ANAPC5: variants seen among roughly 807,000 people sequenced by gnomAD.
ANAPC5 encodes the protein anaphase promoting complex subunit 5.
Under a neutral mutation model 91.3 loss-of-function variants are expected in ANAPC5, and 60 were observed. That is an observed-to-expected ratio of 0.66 (90% CI 0.53 to 0.81). The LOEUF (loss-of-function observed/expected upper bound fraction) is 0.81, where lower values mean the gene tolerates loss of function less well. ANAPC5 is among the 40% of genes least tolerant of loss of function. ANAPC5 has a pLI of 0.00. For synonymous variants in ANAPC5, 340 were observed against 364.1 expected (o/e 0.93, Z 0.75); for missense variants, 690 against 931.5 (o/e 0.74, Z 3.37).
At chr12:121,317,089 G>A (rs1037677905) in intron 15 of ANAPC5, among the ~76,000 whole-genome samples, 17 of 152,090 alleles carry the variant, frequency 1.1e-4, no homozygotes, top group African/African-American at 4.1e-4. Context: ...TGGGGGAAGG[G>A]AGGACTGGGG....
Position 121,335,661 on chromosome 12 carries a change from G to C in ANAPC5, c.822C>G (p.Leu274=). 1 of 1,613,928 alleles carries C rather than the reference G, an allele frequency of 6.2e-7. No homozygotes were observed. Among genetic ancestry groups the C allele is most frequent in the Non-Finnish European group, 8.5e-7 (1 of 1,179,816 alleles). ...VQDVFSSTHS[L]LHYFDRLILT... ...GAATCAGACGATCAAAATAATGGAGGAGACTGTGTGTTGAACTGAAAACAT... is the reference window on the plus strand; with the variant it reads ...GAATCAGACGATCAAAATAATGGAGCAGACTGTGTGTTGAACTGAAAACAT... The change falls in exon 7 of 17, where the codon CTC becomes CTG. Residue 274 remains leucine (L), a synonymous_variant. Coordinates refer to ENST00000261819, the MANE Select transcript of ANAPC5 (RefSeq NM_016237.5).
intron 9 of ANAPC5, chr12:121,328,704 C>T: frequency 2.0e-6 from 1 of 491,078 alleles, no homozygotes; most frequent in Non-Finnish European, 3.7e-6. Context: ...GCAGAGGGTA[C>T]ACGGGAAAGA....
intron 5 of ANAPC5, 150 bp from the exon 6 acceptor site, chr12:121,337,542 C>G: frequency 3.5e-6 from 2 of 576,744 alleles, no homozygotes; most frequent in South Asian, 4.0e-5. Context: ...CTGGCCTTCC[C>G]TCACTCTAGG....
intron 4 of ANAPC5, among the ~76,000 whole-genome samples, chr12:121,344,428 A>G (rs1472996845): frequency 1.3e-5 from 2 of 152,040 alleles, no homozygotes; most frequent in African/African-American, 4.8e-5. Context: ...AAAATACAAA[A>G]ATATTAGCGG....
At chr12:121,339,868 GTTTTTTTTTTT>G (rs71079054) in intron 5 of ANAPC5, among the ~76,000 whole-genome samples, 2 of 104,542 alleles carry the variant, frequency 1.9e-5, no homozygotes, top group African/African-American at 7.3e-5. Flanking sequence ...TTTTCTTCCA[GTTTTTTTTTTT>G]TTTTTTTTTT....
intron 15 of ANAPC5, among the ~76,000 whole-genome samples, chr12:121,316,876 T>G (rs1644415169): frequency 6.6e-6 from 1 of 151,736 alleles, no homozygotes. Context: ...CAAAATGTGA[T>G]CTAACCATAC....
At chr12:121,316,732 C>CAAAAAAAAAAA (rs35989752) in intron 15 of ANAPC5, among the ~76,000 whole-genome samples, 1 of 28,970 alleles carries the variant, frequency 3.5e-5, no homozygotes, top group East Asian at 8.8e-4. Flanking sequence ...GACTCTGTCT[C>CAAAAAAAAAAA]AAAAAAAAAA....
chr12:121,337,247 G>A (rs781846678), intron 6 of ANAPC5, 44 bp downstream of exon 6: 1 of 1,523,258 alleles, frequency 6.6e-7, no homozygotes, highest in Non-Finnish European at 9.1e-7. Flanking sequence ...AAGTTGCCTT[G>A]TCATTCCTTT....
At chr12:121,352,436 A>C (rs1465976895), upstream of ANAPC5, 4 of 993,830 alleles carry the variant, frequency 4.0e-6, no homozygotes, top group Admixed American at 7.9e-5. Context: ...GCCCGCCCTC[A>C]CAATATCCCA....
At chr12:121,309,165 A>G (rs181923885) in intron 16 of ANAPC5, among the ~76,000 whole-genome samples, 2 of 143,774 alleles carry the variant, frequency 1.4e-5, no homozygotes, top group African/African-American at 5.2e-5. Flanking sequence ...AAAAAAAAAA[A>G]AAAGGCCGGG....
chr12:121,318,315 A>G lies in ANAPC5; in HGVS notation c.1855T>C (p.Leu619=). ...AAGTTCAGCACTGTTTCAGAGGCCAAGTACTGTAACCGGTACTCCTTGGAG... is the reference window on the plus strand; with the variant it reads ...AAGTTCAGCACTGTTTCAGAGGCCAGGTACTGTAACCGGTACTCCTTGGAG... ...ALSKEYRLQY[L]ASETVLNLAF... The change falls in exon 15 of 17, where the codon TTG becomes CTG. Residue 619 remains leucine (L), a synonymous_variant. Transcript: ENST00000261819. The G allele has an allele frequency of 6.3e-7, 1 of 1,584,728 alleles. No individual in the cohort carries two copies. Among genetic ancestry groups the G allele is most frequent in the East Asian group, 2.2e-5 (1 of 44,654 alleles).
intron 11 of ANAPC5, among the ~76,000 whole-genome samples, chr12:121,322,954 G>A (rs1167966232): frequency 6.6e-6 from 1 of 152,068 alleles, no homozygotes; most frequent in African/African-American, 2.4e-5. Flanking sequence ...GAACCCAGGA[G>A]GCAGAGGTTG....
At chr12:121,329,532 GAATGCTTAAGC>G (rs1902952332) in intron 9 of ANAPC5, among the ~76,000 whole-genome samples, 1 of 151,928 alleles carries the variant, frequency 6.6e-6, no homozygotes, top group South Asian at 2.1e-4. Context: ...TCATAAGACA[GAATGCTTAAGC>G]AATCCCACTG....
Sources: allele counts gnomAD v4.1 joint callset (sites outside exome capture counted in the v4.1 genomes callset), GRCh38; gene constraint gnomAD v4.1.1; transcripts MANE v1.5; gene names NCBI Gene and HGNC (gene_info 2026-07-23, HGNC 2026-07-21).